SYNJ1: variants seen among roughly 807,000 people sequenced by gnomAD.
SYNJ1 encodes the protein synaptojanin 1, also known as polyphosphatidylinositol phosphatase SYNJ1.
SYNJ1 carries 78 observed loss-of-function variants against 168.2 expected under a neutral mutation model. The observed-to-expected ratio is 0.46, with a 90% CI of 0.39 to 0.56. SYNJ1 has a LOEUF of 0.56. SYNJ1 is among the 20% of genes least tolerant of loss of function. The pLI, the probability that SYNJ1 is intolerant of heterozygous loss-of-function variation, is 0.00. For missense variants in SYNJ1, 1,303 were observed against 1,597.6 expected, an observed-to-expected ratio of 0.82 and a Z score of 3.14; for synonymous variants, 539 against 548.6, an observed-to-expected ratio of 0.98 and a Z score of 0.24.
intron 6 of SYNJ1, among the ~76,000 whole-genome samples, chr21:32,689,682 T>A (rs146495357): frequency 4.6e-4 from 70 of 152,378 alleles, no homozygotes; most frequent in African/African-American, 1.7e-3. Flanking sequence ...AACTCTAATA[T>A]GCTCATCCAA....
intron 2 of SYNJ1, among the ~76,000 whole-genome samples, chr21:32,715,735 A>G (rs2043002155): frequency 6.6e-6 from 1 of 152,198 alleles, no homozygotes; most frequent in Non-Finnish European, 1.5e-5. Flanking sequence ...AAATTTTAAT[A>G]AGTACATTTA....
At position 32,646,475 on chromosome 21, in the gene SYNJ1, T is replaced by C. The variant is rs2145782697; in HGVS notation, c.3165A>G (p.Thr1055=). ...SPRTSPCQSP[T]ISEGPVPSLP... ...GGGAAGGTACAGGACCCTCTGATAT[T>C]GTAGGTGACTGGCAGGGACTAGTTC... is the stretch of plus-strand genomic sequence containing the variant. Residue 1055 remains threonine, a synonymous_variant, in exon 24 of 33, where the codon ACA becomes ACG. Coordinates refer to ENST00000674351, the MANE Select transcript of SYNJ1 (RefSeq NM_203446.3). 6.2e-7 allele frequency: 1 copy of C among 1,614,132 alleles called. No homozygotes were observed. The highest frequency in any genetic ancestry group is 1.1e-5 in the South Asian group (1 of 91,078).
intron 14 of SYNJ1, among the ~76,000 whole-genome samples, chr21:32,673,047 T>C (rs553381748): frequency 6.6e-6 from 1 of 152,350 alleles, no homozygotes; most frequent in South Asian, 2.1e-4. Context: ...ATATGTGTGG[T>C]TGCCTTCAAA....
At chr21:32,641,862 G>A (rs1285035482) in intron 29 of SYNJ1, 34 bp downstream of exon 29, 8 of 1,538,108 alleles carry the variant, frequency 5.2e-6, no homozygotes, top group Middle Eastern at 1.7e-4. Context: ...ACTTAGAACC[G>A]AGACCCCTTG....
At position 32,699,983 on chromosome 21, in the gene SYNJ1, C is replaced by T. The variant is rs762479235; in HGVS notation, c.334G>A (p.Asp112Asn). Residue 112 changes from aspartate (D) to asparagine (N), a missense_variant, in exon 4 of 33, where the codon GAT becomes AAT. Asp to Asn is a conservative substitution (Grantham distance 23). Coordinates refer to ENST00000674351, the MANE Select transcript of SYNJ1 (RefSeq NM_203446.3). Reference protein sequence around the residue: ...EFISLRIDSSDEDRISEVRKV... With the variant: ...EFISLRIDSSNEDRISEVRKV... ...CGCACTTCTGAAATGCGATCCTCAT[C>T]TGAAGAATCGATTCGCAGTGATATA... 2 of 1,614,194 alleles carry T rather than the reference C, an allele frequency of 1.2e-6. No individual in the cohort carries two copies. Among genetic ancestry groups the T allele is most frequent in the East Asian group, 4.5e-5 (2 of 44,886 alleles).
At chr21:32,636,584 A>G in intron 31 of SYNJ1, among the ~76,000 whole-genome samples, 1 of 152,204 alleles carries the variant, frequency 6.6e-6, no homozygotes, top group East Asian at 1.9e-4. Context: ...TAAATTGTTC[A>G]ACTTAACAGC....
At chr21:32,633,050 C>CA (rs577836899) in intron 32 of SYNJ1, among the ~76,000 whole-genome samples, 101 of 152,176 alleles carry the variant, frequency 6.6e-4, no homozygotes, top group African/African-American at 2.4e-3. Context: ...AGTAATGTGA[C>CA]AACTTTCCAT....
In SYNJ1 at chr21:32,702,031, C is replaced by T. The variant is rs1387023235; in HGVS notation, c.141G>A (p.Glu47=). The T allele has an allele frequency of 6.4e-7, 1 of 1,554,730 alleles. No homozygotes were observed. Among genetic ancestry groups the T allele is most frequent in the Non-Finnish European group, 8.8e-7 (1 of 1,142,312 alleles). ...CTTTGGAGTATGTACCCTTGATTGC[C>T]TCTTTTTCTGCAGATGCTACAAAAA... is the stretch of plus-strand genomic sequence containing the variant. The part of the protein sequence containing the change: ...AVAVLSSAEK[E]AIKGTYSKVL... Residue 47 remains glutamate (E), a synonymous_variant, in exon 3 of 33, where the codon GAG becomes GAA. Coordinates refer to ENST00000674351, the MANE Select transcript of SYNJ1 (RefSeq NM_203446.3).
At chr21:32,663,451 A>G (rs2040797189) in intron 18 of SYNJ1, among the ~76,000 whole-genome samples, 1 of 152,190 alleles carries the variant, frequency 6.6e-6, no homozygotes, top group Non-Finnish European at 1.5e-5. Flanking sequence ...CCAGGACTGG[A>G]CAGCCCCCAC....
At chr21:32,646,334 C>T (rs1427637598) in intron 24 of SYNJ1, 59 bp downstream of exon 24, 9 of 1,539,362 alleles carry the variant, frequency 5.8e-6, no homozygotes, top group Non-Finnish European at 8.0e-6. Flanking sequence ...CGATGACTCT[C>T]CAACATCAAG....
At chr21:32,640,607 T>C (rs576585844) in intron 29 of SYNJ1, among the ~76,000 whole-genome samples, 1 of 152,260 alleles carries the variant, frequency 6.6e-6, no homozygotes, top group African/African-American at 2.4e-5. Context: ...GATTTGTTTT[T>C]TAAGAGATGG....
intron 18 of SYNJ1, among the ~76,000 whole-genome samples, chr21:32,663,210 G>T (rs2040784760): frequency 6.6e-6 from 1 of 152,124 alleles, no homozygotes; most frequent in African/African-American, 2.4e-5. Context: ...CAGCTCAAAA[G>T]AATCACCCTG....
intron 25 of SYNJ1, among the ~76,000 whole-genome samples, chr21:32,645,426 G>A (rs1339001175): frequency 6.6e-6 from 1 of 152,196 alleles, no homozygotes; most frequent in African/African-American, 2.4e-5. Context: ...TGAGAAGGCA[G>A]CTAAAGGCAG....
intron 2 of SYNJ1, among the ~76,000 whole-genome samples, chr21:32,720,206 T>C (rs575750838): frequency 6.6e-6 from 1 of 152,250 alleles, no homozygotes; most frequent in Non-Finnish European, 1.5e-5. Flanking sequence ...ACCATTGCAC[T>C]CCAGCTTGGG....
At position 32,637,128 on chromosome 21, in the gene SYNJ1, T is replaced by C. The variant is rs112213855; in HGVS notation, c.3915+1780A>G. Among the ~76,000 whole-genome samples the C allele has an allele frequency of 7.9e-5, 12 of 152,326 alleles. 1 individual carries two copies. Among genetic ancestry groups the C allele is most frequent in the African/African-American group, 2.9e-4 (12 of 41,570 alleles). ...TTTTTCAGAGTACTTTATCTACTTT[T>C]GTATTGGTCTAAGGACACTTAAACC... On this transcript the variant is annotated intron_variant, in intron 31 of 32. Coordinates refer to ENST00000674351, the MANE Select transcript of SYNJ1 (RefSeq NM_203446.3).
chr21:32,642,092 T>TA lies in SYNJ1; in HGVS notation c.3517+2dup. On this transcript the variant is annotated splice_region_variant and intron_variant, in intron 28 of 32. Transcript: ENST00000674351. ...GTGAATAGCTACATTCAAGTGTTTT[T>TA]ACCTATATTATCTTTCCTTGTTGTT... The TA allele has an allele frequency of 6.2e-7, 1 of 1,614,194 alleles. No homozygotes were observed. Among genetic ancestry groups the TA allele is most frequent in the Non-Finnish European group, 8.5e-7 (1 of 1,180,034 alleles).
Position 32,694,225 on chromosome 21 carries a change from T to A in SYNJ1, c.789+3A>T. 2 of 1,530,022 alleles carry A rather than the reference T, an allele frequency of 1.3e-6. No homozygotes were observed. Among genetic ancestry groups the A allele is most frequent in the Non-Finnish European group, 1.7e-6 (2 of 1,147,326 alleles). 94.8% of individuals were successfully genotyped at this position (1,530,022 alleles called of 1,614,324 possible). A position where few individuals can be genotyped will look rare whatever the true frequency, so the allele number is the denominator to read the frequency against. Reference sequence around the variant, plus strand: ...CAAAAATAACTGAATGTCAAACACATACTTGCAACCCTGGTTGCTCCCAGA... The same window carrying A: ...CAAAAATAACTGAATGTCAAACACAAACTTGCAACCCTGGTTGCTCCCAGA... On this transcript the variant is annotated splice_donor_region_variant and intron_variant, in intron 6 of 32. Coordinates refer to ENST00000674351, the MANE Select transcript of SYNJ1 (RefSeq NM_203446.3).
chr21:32,674,752 C>T (rs1248241094), intron 13 of SYNJ1, among the ~76,000 whole-genome samples: 1 of 151,960 alleles, frequency 6.6e-6, no homozygotes, highest in African/African-American at 2.4e-5. Context: ...GGTAGCTAAC[C>T]GGTAACAGGA....
chr21:32,646,068 T>C, intron 24 of SYNJ1: 1 of 714,822 alleles, frequency 1.4e-6, no homozygotes, highest in Non-Finnish European at 2.5e-6. Flanking sequence ...AAAGTATTGT[T>C]TGAGTTAAGC....
Sources: allele counts gnomAD v4.1 joint callset (sites outside exome capture counted in the v4.1 genomes callset), GRCh38; gene constraint gnomAD v4.1.1; transcripts MANE v1.5; gene names NCBI Gene and HGNC (gene_info 2026-07-23, HGNC 2026-07-21).